The following MDGA2 variants were observed in gnomAD, a reference collection of about 807,000 sequenced individuals.
MDGA2 encodes the protein MAM domain containing glycosylphosphatidylinositol anchor 2, also known as MAM domain-containing glycosylphosphatidylinositol anchor protein 2.
Under a neutral mutation model 117.8 loss-of-function variants are expected in MDGA2, and 40 were observed. The ratio of observed to expected loss-of-function variants is 0.34; its 90% CI spans 0.26 to 0.44. The LOEUF (loss-of-function observed/expected upper bound fraction) is 0.44, where lower values mean the gene tolerates loss of function less well. MDGA2 is among the 20% of genes least tolerant of loss of function. MDGA2 has a pLI of 1.00. For missense variants in MDGA2, 1,123 were observed against 1,250.6 expected (o/e 0.90, Z 1.54); for synonymous variants, 452 against 439.0 (o/e 1.03, Z -0.37).
intron 3 of MDGA2, among the ~76,000 whole-genome samples, chr14:47,194,978 T>A (rs1885237960): frequency 6.6e-6 from 1 of 152,052 alleles, no homozygotes; most frequent in Non-Finnish European, 1.5e-5. Flanking sequence ...TTTTATATAT[T>A]CTGGAATGAC....
intron 1 of MDGA2, among the ~76,000 whole-genome samples, chr14:47,311,424 G>A (rs772614287): frequency 1.2e-4 from 19 of 152,002 alleles, no homozygotes; most frequent in Non-Finnish European, 1.9e-4. Flanking sequence ...TGTCCCCACT[G>A]TTTCTCTCCA....
At chr14:46,925,990 G>A (rs1884317859) in intron 9 of MDGA2, among the ~76,000 whole-genome samples, 1 of 152,156 alleles carries the variant, frequency 6.6e-6, no homozygotes, top group Admixed American at 6.5e-5. Flanking sequence ...CTACCAAACT[G>A]TGCACTTCTC....
chr14:47,648,776 T>C (rs1360687001), intron 1 of MDGA2, among the ~76,000 whole-genome samples: 1 of 152,144 alleles, frequency 6.6e-6, no homozygotes. Flanking sequence ...GAAGTGTTCT[T>C]AAAATAAAGT....
intron 11 of MDGA2, among the ~76,000 whole-genome samples, chr14:46,879,518 C>T (rs1193012980): frequency 6.6e-6 from 1 of 151,274 alleles, no homozygotes. Flanking sequence ...TATGTAAAAA[C>T]AATTTTGAAA....
In MDGA2 at chr14:47,588,229, G is replaced by GATAT. The variant is rs1243073183; in HGVS notation, c.280+86287_280+86288insATAT. On this transcript the variant is annotated intron_variant, in intron 1 of 16. Transcript: ENST00000399232. ...AAACTATATTTTCAAATCTCTTGGAGATAGATAGATATATATATATATATA... is the reference window on the plus strand; with the variant it reads ...AAACTATATTTTCAAATCTCTTGGAGATATATAGATAGATATATATATATATATA... 9.2e-3 allele frequency among the ~76,000 whole-genome samples: 925 copies of GATAT among 100,270 alleles called. 8 individuals carry two copies. The highest frequency in any genetic ancestry group is 0.026 in the African/African-American group (618 of 24,000). The allele number at this position is 100,270 out of a possible 152,430, so 65.8% of individuals were successfully genotyped here.
intron 1 of MDGA2, among the ~76,000 whole-genome samples, chr14:47,591,608 G>C (rs1896440250): frequency 6.6e-6 from 1 of 152,106 alleles, no homozygotes; most frequent in African/African-American, 2.4e-5. Context: ...GATCAAGTTG[G>C]CTTCATCTCC....
intron 1 of MDGA2, among the ~76,000 whole-genome samples, chr14:47,639,211 T>G (rs1333780055): frequency 6.6e-6 from 1 of 152,182 alleles, no homozygotes; most frequent in African/African-American, 2.4e-5. Flanking sequence ...AGATATAAAT[T>G]TGTTGTCTAT....
intron 8 of MDGA2, among the ~76,000 whole-genome samples, chr14:47,015,420 A>G (rs886964722): frequency 1.3e-5 from 2 of 152,078 alleles, no homozygotes; most frequent in African/African-American, 4.8e-5. Flanking sequence ...GGACAATAAA[A>G]CAAAATATTC....
intron 14 of MDGA2, among the ~76,000 whole-genome samples, chr14:46,866,608 T>C (rs1595006075): frequency 6.6e-6 from 1 of 151,168 alleles, no homozygotes; most frequent in East Asian, 2.0e-4. Flanking sequence ...ACAGGCAACC[T>C]ACAAAATGGG....
chr14:47,470,341 C>T (rs1893698101), intron 1 of MDGA2, among the ~76,000 whole-genome samples: 1 of 147,294 alleles, frequency 6.8e-6, no homozygotes, highest in African/African-American at 2.5e-5. Context: ...GTTCAACTCT[C>T]ACTTATAGGT....
intron 5 of MDGA2, among the ~76,000 whole-genome samples, chr14:47,118,224 A>G (rs1018649840): frequency 9.2e-5 from 14 of 152,218 alleles, no homozygotes; most frequent in African/African-American, 3.4e-4. Flanking sequence ...GATTTCAGAC[A>G]TTCAGAGCAG....
intron 1 of MDGA2, among the ~76,000 whole-genome samples, chr14:47,338,629 C>T (rs954792193): frequency 2.0e-5 from 3 of 151,890 alleles, no homozygotes; most frequent in Admixed American, 6.6e-5. Flanking sequence ...TTAGTCAATC[C>T]GTCAAGTTAA....
rs569248521 is a variant in MDGA2, at chr14:47,610,576, AAAC to A, written c.280+63938_280+63940del. On this transcript the variant is annotated intron_variant, in intron 1 of 16. Coordinates refer to ENST00000399232, the MANE Select transcript of MDGA2 (RefSeq NM_001113498.3). The stretch of plus-strand genomic sequence containing the variant: ...CCTTTTACAATAGCTAAAAACAAAC[AAAC>A]AACAACAACAACAACAACAACAAAA... Among the ~76,000 whole-genome samples the A allele has an allele frequency of 8.7e-3, 1,323 of 151,636 alleles. 8 individuals carry two copies. The highest frequency in any genetic ancestry group is 0.012 in the Non-Finnish European group (832 of 67,814).
At chr14:47,246,409 A>G (rs1887238868) in intron 2 of MDGA2, among the ~76,000 whole-genome samples, 1 of 151,804 alleles carries the variant, frequency 6.6e-6, no homozygotes, top group Admixed American at 6.6e-5. Flanking sequence ...AAAGGCACCT[A>G]CTTCAATACC....
intron 1 of MDGA2, among the ~76,000 whole-genome samples, chr14:47,616,027 G>A (rs1896943090): frequency 6.6e-6 from 1 of 152,168 alleles, no homozygotes; most frequent in Admixed American, 6.5e-5. Context: ...CGTCTCCTGG[G>A]AGGAATGAGT....
intron 1 of MDGA2, among the ~76,000 whole-genome samples, chr14:47,600,269 T>C (rs116221868): frequency 0.012 from 1,856 of 151,830 alleles, 32 homozygotes; most frequent in African/African-American, 0.042. Context: ...TATTTTTTCG[T>C]ATTTTGTATT....
intron 3 of MDGA2, among the ~76,000 whole-genome samples, chr14:47,192,171 A>G (rs1187055548): frequency 6.6e-6 from 1 of 152,158 alleles, no homozygotes; most frequent in Non-Finnish European, 1.5e-5. Context: ...TGTGACAGAC[A>G]AGAAGAGAAA....
chr14:47,568,239 A>G (rs934432335), intron 1 of MDGA2, among the ~76,000 whole-genome samples: 1 of 152,338 alleles, frequency 6.6e-6, no homozygotes, highest in Non-Finnish European at 1.5e-5. Context: ...TACCGCAAGT[A>G]AGAATGTTAA....
At chr14:47,614,123 CAA>C (rs558862555) in intron 1 of MDGA2, among the ~76,000 whole-genome samples, 2 of 101,122 alleles carry the variant, frequency 2.0e-5, no homozygotes, top group Non-Finnish European at 2.0e-5. Context: ...GACAGTGTCT[CAA>C]AAAAAAAAAA....
Sources: allele counts gnomAD v4.1 joint callset (sites outside exome capture counted in the v4.1 genomes callset), GRCh38; gene constraint gnomAD v4.1.1; transcripts MANE v1.5; gene names NCBI Gene and HGNC (gene_info 2026-07-23, HGNC 2026-07-21).